PDE11A: variants seen among roughly 807,000 people sequenced by gnomAD.
The protein encoded by PDE11A is phosphodiesterase 11A, also known as dual 3',5'-cyclic-AMP and -GMP phosphodiesterase 11A.
A neutral mutation model predicts 100.5 loss-of-function variants in PDE11A; 100 were observed. The observed-to-expected ratio is 1.00, with a 90% CI of 0.85 to 1.18. The LOEUF (loss-of-function observed/expected upper bound fraction) is 1.18. PDE11A is among the 50% of genes most tolerant of loss of function. The pLI, the probability that PDE11A is intolerant of heterozygous loss-of-function variation, is 0.00. For missense variants in PDE11A, 1,141 were observed against 1,152.6 expected, an observed-to-expected ratio of 0.99 and a Z score of 0.15; for synonymous variants, 381 against 420.8, an observed-to-expected ratio of 0.91 and a Z score of 1.16.
At chr2:177,763,095 A>G (rs986965113) in intron 10 of PDE11A, among the ~76,000 whole-genome samples, 1 of 152,154 alleles carries the variant, frequency 6.6e-6, no homozygotes, top group Non-Finnish European at 1.5e-5. Flanking sequence ...CACTCCGCAT[A>G]TTTATGGATG....
chr2:178,100,867 C>T (rs1172233355), intron 2 of PDE11A, among the ~76,000 whole-genome samples: 1 of 152,102 alleles, frequency 6.6e-6, no homozygotes, highest in African/African-American at 2.4e-5. Flanking sequence ...ACAACATTGG[C>T]TTAAGTCTGC....
At chr2:177,719,914 G>A (rs2081500517) in intron 12 of PDE11A, among the ~76,000 whole-genome samples, 2 of 152,054 alleles carry the variant, frequency 1.3e-5, no homozygotes, top group Admixed American at 1.3e-4. Flanking sequence ...CTGATGGCTG[G>A]TCCAGCTCTG....
intron 2 of PDE11A, chr2:178,092,975 GAAGGT>G (rs989567151): frequency 6.6e-6 from 1 of 152,224 alleles, no homozygotes; most frequent in African/African-American, 2.4e-5. Context: ...CTACAAAGGT[GAAGGT>G]AAGTTTTAAG....
At chr2:177,707,887 GT>G (rs1378864416) in intron 13 of PDE11A, among the ~76,000 whole-genome samples, 7 of 152,126 alleles carry the variant, frequency 4.6e-5, no homozygotes, top group African/African-American at 1.7e-4. Flanking sequence ...ACTCTTGAAA[GT>G]ACTGAAAAGG....
intron 16 of PDE11A, among the ~76,000 whole-genome samples, chr2:177,678,672 G>A (rs906506739): frequency 1.3e-5 from 2 of 152,176 alleles, no homozygotes; most frequent in Non-Finnish European, 2.9e-5. Flanking sequence ...TGAAATGGGG[G>A]AGGGAGGGCA....
chr2:177,942,591 G>A (rs541921842), intron 2 of PDE11A, among the ~76,000 whole-genome samples: 2 of 152,010 alleles, frequency 1.3e-5, no homozygotes, highest in South Asian at 4.2e-4. Context: ...TAGAAGAGAT[G>A]GGGTTTCACC....
chr2:177,626,747 A>T lies in PDE11A; in HGVS notation c.*2660T>A, dbSNP rs1420560033. 6.6e-6 allele frequency: 1 copy of T among 152,058 alleles called. No homozygotes were observed. Among genetic ancestry groups the T allele is most frequent in the Non-Finnish European group, 1.5e-5 (1 of 68,020 alleles). The allele number at this position is 152,058 out of a possible 1,614,324, so 9.4% of individuals were successfully genotyped here. ...GCTGTAAAGGGTAGCTAGGAACATT[A>T]TTTTTTAGGGCTCTCACTCCTTCCT... On this transcript the variant is annotated 3_prime_UTR_variant, in exon 20 of 20. Transcript: ENST00000286063.
intron 2 of PDE11A, among the ~76,000 whole-genome samples, chr2:178,000,533 CCTT>C (rs768492435): frequency 6.6e-6 from 1 of 152,186 alleles, no homozygotes. Context: ...CTAATCCTCA[CCTT>C]CTTTTCATTC....
intron 5 of PDE11A, among the ~76,000 whole-genome samples, chr2:177,874,258 C>A (rs2084193927): frequency 6.6e-6 from 1 of 152,130 alleles, no homozygotes; most frequent in South Asian, 2.1e-4. Flanking sequence ...TCCTTTATAA[C>A]ATGGGGGGAA....
intron 12 of PDE11A, among the ~76,000 whole-genome samples, chr2:177,714,639 T>G (rs948603041): frequency 2.0e-5 from 3 of 152,220 alleles, no homozygotes; most frequent in African/African-American, 7.2e-5. Flanking sequence ...ACTCCCAATG[T>G]GATCCACAGA....
intron 1 of PDE11A, among the ~76,000 whole-genome samples, chr2:178,019,516 G>A (rs2086380317): frequency 6.6e-6 from 1 of 151,706 alleles, no homozygotes; most frequent in African/African-American, 2.4e-5. Flanking sequence ...AAACATATTC[G>A]ACTCTTTTAT....
upstream of PDE11A, among the ~76,000 whole-genome samples, chr2:178,074,476 G>A (rs2087182365): frequency 6.6e-6 from 1 of 152,170 alleles, no homozygotes; most frequent in African/African-American, 2.4e-5. Context: ...GAAAAGCACT[G>A]AGTAGAGATC....
At chr2:177,816,963 C>T (rs745908835) in intron 8 of PDE11A, 42 bp from the exon 9 acceptor site, 3 of 1,177,144 alleles carry the variant, frequency 2.5e-6, no homozygotes, top group East Asian at 2.3e-5. Flanking sequence ...TGCAGCAACT[C>T]ATTGGCAAAA....
At chr2:177,894,945 G>A (rs1558995573) in intron 4 of PDE11A, among the ~76,000 whole-genome samples, 1 of 152,088 alleles carries the variant, frequency 6.6e-6, no homozygotes, top group Non-Finnish European at 1.5e-5. Context: ...GTCTTTGCCT[G>A]TAACTCCTGC....
At chr2:177,810,208 G>C (rs1946812) in intron 9 of PDE11A, among the ~76,000 whole-genome samples, 1 of 152,102 alleles carries the variant, frequency 6.6e-6, no homozygotes, top group Non-Finnish European at 1.5e-5. Context: ...CATAGCCCAA[G>C]CTTTTCCATT....
chr2:177,855,881 C>T (rs1025272825), intron 5 of PDE11A, among the ~76,000 whole-genome samples: 7 of 148,480 alleles, frequency 4.7e-5, no homozygotes, highest in Non-Finnish European at 1.0e-4. Context: ...TGTACATATT[C>T]ATAGACATCT....
At chr2:177,858,355 A>G (rs1000086451) in intron 5 of PDE11A, among the ~76,000 whole-genome samples, 19 of 152,078 alleles carry the variant, frequency 1.2e-4, no homozygotes, top group African/African-American at 4.6e-4. Context: ...TCATCTGACA[A>G]GGGGCTAATA....
intron 9 of PDE11A, among the ~76,000 whole-genome samples, chr2:177,785,050 G>C (rs1382945917): frequency 6.6e-6 from 1 of 152,124 alleles, no homozygotes; most frequent in Non-Finnish European, 1.5e-5. Context: ...CCAACAATGG[G>C]GGGCCAGTAT....
At chr2:177,658,536 C>G (rs1559129808) in intron 19 of PDE11A, among the ~76,000 whole-genome samples, 1 of 151,424 alleles carries the variant, frequency 6.6e-6, no homozygotes. Flanking sequence ...CCCTACATTC[C>G]TCCCTTCCTC....
Sources: allele counts gnomAD v4.1 joint callset (sites outside exome capture counted in the v4.1 genomes callset), GRCh38; gene constraint gnomAD v4.1.1; transcripts MANE v1.5; gene names NCBI Gene and HGNC (gene_info 2026-07-23, HGNC 2026-07-21).